SNX20: variants seen among roughly 807,000 people sequenced by gnomAD.
SNX20 encodes the protein sorting nexin-20.
Under a neutral mutation model 24.5 loss-of-function variants are expected in SNX20, and 21 were observed. That is an observed-to-expected ratio of 0.86 (90% CI 0.61 to 1.23). The LOEUF (loss-of-function observed/expected upper bound fraction) is 1.23, where lower values mean the gene tolerates loss of function less well. Among genes scored for constraint, SNX20 ranks in the 50% most tolerant of loss-of-function variants. The pLI is 0.00. For missense variants in SNX20, 433 were observed against 430.8 expected (o/e 1.00, Z -0.04); for synonymous variants, 206 against 192.8 (o/e 1.07, Z -0.57).
rs1349899679 is a variant in SNX20, at chr16:50,673,540, T to C, written c.817A>G (p.Met273Val). The change falls in exon 4 of 4, where the codon ATG becomes GTG. Residue 273 changes from methionine to valine, a missense_variant. Physicochemically the swap from Met to Val is conservative, Grantham distance 21. Transcript: ENST00000330943. This position sits in a 1 kb window ranked among gnomAD's most constrained non-coding sequence, Gnocchi z 4.1. ...HRYYAPLLDAMVRLAYALGKD... is the reference protein window; with the variant it reads ...HRYYAPLLDAVVRLAYALGKD... ...CCCAGCGCGTAGGCCAGGCGGACCA[T>C]GGCGTCCAGCAGAGGCGCATAGTAG... 5 of 1,609,286 alleles carry C rather than the reference T, an allele frequency of 3.1e-6. No individual in the cohort carries two copies. Among genetic ancestry groups the C allele is most frequent in the Non-Finnish European group, 4.2e-6 (5 of 1,179,104 alleles).
At position 50,674,074 on chromosome 16, in the gene SNX20, C is replaced by A; in HGVS notation, c.283G>T (p.Val95Leu). Residue 95 changes from valine to leucine, a missense_variant and splice_region_variant, in exon 4 of 4, where the codon GTG becomes TTG. Coordinates refer to ENST00000330943, the MANE Select transcript of SNX20 (RefSeq NM_182854.4). ...GTCTGGATGACGATGATTTGGTACA[C>A]CTAGGGCGCAACCAGAGAGAGCTGT... Reference protein sequence around the residue: ...IEERKVSKFVVYQIIVIQTGS... With the variant: ...IEERKVSKFVLYQIIVIQTGS... 6.3e-7 allele frequency: 1 copy of A among 1,591,304 alleles called. No homozygotes were observed. Among genetic ancestry groups the A allele is most frequent in the Non-Finnish European group, 8.6e-7 (1 of 1,167,380 alleles).
Position 50,673,815 on chromosome 16 carries a change from A to G in SNX20, c.542T>C (p.Leu181Pro), listed in dbSNP as rs766233288. 6.3e-7 allele frequency: 1 copy of G among 1,594,588 alleles called. No individual in the cohort carries two copies. The highest frequency in any genetic ancestry group is 1.7e-5 in the Admixed American group (1 of 59,016). The change falls in exon 4 of 4, where the codon CTG (leucine) becomes CCG (proline). Residue 181 changes from leucine (L) to proline (P), a missense_variant. Leu to Pro is a moderately conservative substitution (Grantham distance 98). Coordinates refer to ENST00000330943, the MANE Select transcript of SNX20 (RefSeq NM_182854.4). This position sits in a 1 kb window ranked among gnomAD's most constrained non-coding sequence, Gnocchi z 4.1. ...CAGCTCCGGCCGCGTGAGGAAGTCCAGGAACTCCCGGGAGCGGCGCACGCA... is the reference window on the plus strand; with the variant it reads ...CAGCTCCGGCCGCGTGAGGAAGTCCGGGAACTCCCGGGAGCGGCGCACGCA... ...IRCVRRSREF[L>P]DFLTRPELRE...
At chr16:50,668,381 G>T, downstream of SNX20, 1 of 1,003,830 alleles carries the variant, frequency 1.0e-6, no homozygotes, top group Non-Finnish European at 1.3e-6. Flanking sequence ...TCTACCAGCG[G>T]CCTCAGGCTC....
downstream of SNX20, chr16:50,669,334 A>C: frequency 1.8e-6 from 1 of 568,072 alleles, no homozygotes; most frequent in Non-Finnish European, 3.2e-6. Flanking sequence ...GCTTCCACTT[A>C]TGGTGGAAGG....
chr16:50,673,167 G>A lies in SNX20; in HGVS notation c.*239C>T. The A allele has an allele frequency of 1.9e-6, 1 of 525,022 alleles. No homozygotes were observed. The highest frequency in any genetic ancestry group is 3.8e-5 in the East Asian group (1 of 26,358). 32.5% of individuals were successfully genotyped at this position (525,022 alleles called of 1,614,324 possible). On this transcript the variant is annotated 3_prime_UTR_variant, in exon 4 of 4. Coordinates refer to ENST00000330943, the MANE Select transcript of SNX20 (RefSeq NM_182854.4). This position sits in a 1 kb window ranked among gnomAD's most constrained non-coding sequence, Gnocchi z 4.1. The stretch of plus-strand genomic sequence containing the variant: ...AAATTAAAAATTAGCCTGGTGTGGT[G>A]GTGTGCACCTGTAATCCCAGCTACT...
At chr16:50,668,225 A>G, downstream of SNX20, 1 of 1,446,432 alleles carries the variant, frequency 6.9e-7, no homozygotes, top group Non-Finnish European at 9.1e-7. Context: ...CGGGATGATC[A>G]GCGCTACGTG....
intron 3 of SNX20, among the ~76,000 whole-genome samples, chr16:50,674,548 C>T (rs1363257108): frequency 6.6e-6 from 1 of 152,092 alleles, no homozygotes; most frequent in African/African-American, 2.4e-5. Flanking sequence ...GCACCTGGCC[C>T]AATTCTGTTT....
In SNX20 at chr16:50,674,225, G is replaced by GTTTATTTATTTATTTA. The variant is rs1197433659; in HGVS notation, c.283-152_283-151insTAAATAAATAAATAAA. Reference sequence around the variant, plus strand: ...CAATTGTTTGTTTGTTTGTTTGTTTGTTTGTTTATTTATTTATTTATTTAT... The same window carrying GTTTATTTATTTATTTA: ...CAATTGTTTGTTTGTTTGTTTGTTTGTTTATTTATTTATTTATTTGTTTATTTATTTATTTATTTAT... On this transcript the variant is annotated intron_variant, in intron 3 of 3. Transcript: ENST00000330943. 3.4e-6 allele frequency: 3 copies of GTTTATTTATTTATTTA among 884,218 alleles called. No individual in the cohort carries two copies. In the African/African-American group the frequency reaches 6.4e-5, roughly 19 times the overall value. 54.8% of individuals were successfully genotyped at this position (884,218 alleles called of 1,614,324 possible).
intron 3 of SNX20, among the ~76,000 whole-genome samples, chr16:50,675,126 C>T (rs75450535): frequency 0.037 from 5,623 of 152,300 alleles, 341 homozygotes; most frequent in African/African-American, 0.13. Flanking sequence ...TTATTTATCC[C>T]GGTCCCAGGT....
chr16:50,666,472 G>GT, exon 4 of SNX20: 1 of 152,270 alleles, frequency 6.6e-6, no homozygotes. Flanking sequence ...CAGCAGTGTT[G>GT]TCCCAAATAA....
At chr16:50,667,911 TG>T, downstream of SNX20, 1 of 1,167,084 alleles carries the variant, frequency 8.6e-7, no homozygotes, top group Non-Finnish European at 1.2e-6. Context: ...GATCTTACCA[TG>T]GGGGCAACAG....
At position 50,675,842 on chromosome 16, in the gene SNX20, G is replaced by A. The variant is rs1375459977; in HGVS notation, c.210C>T (p.Arg70=). Residue 70 remains arginine (R), a synonymous_variant, in exon 3 of 4, where the codon CGC becomes CGT. Coordinates refer to ENST00000330943, the MANE Select transcript of SNX20 (RefSeq NM_182854.4). The part of the protein sequence containing the change: ...LQQYWQNQKC[R]WKHVKLLFEI... ...CAAAGAGCAGTTTGACGTGCTTCCAGCGGCATTTCTGGTTCTGCCAGTACT... is the reference window on the plus strand; with the variant it reads ...CAAAGAGCAGTTTGACGTGCTTCCAACGGCATTTCTGGTTCTGCCAGTACT... The A allele has an allele frequency of 6.2e-7, 1 of 1,613,704 alleles. No individual in the cohort carries two copies. The highest frequency in any genetic ancestry group is 2.2e-5 in the East Asian group (1 of 44,874).
intron 2 of SNX20, among the ~76,000 whole-genome samples, chr16:50,677,167 G>A (rs1963200185): frequency 6.6e-6 from 1 of 152,158 alleles, no homozygotes; most frequent in African/African-American, 2.4e-5. Context: ...CTGATGTCCT[G>A]CCCTGGCCTC....
chr16:50,668,256 T>G (rs1333539370), downstream of SNX20: 11 of 1,423,846 alleles, frequency 7.7e-6, no homozygotes, highest in Non-Finnish European at 1.0e-5. Flanking sequence ...TACCTCCTTT[T>G]GCAGGACAAC....
downstream of SNX20, chr16:50,669,012 ATGCAGGG>A (rs1290383005): frequency 6.4e-6 from 10 of 1,551,464 alleles, no homozygotes; most frequent in Non-Finnish European, 8.7e-6. Context: ...TGGAATTTGG[ATGCAGGG>A]TTATTCTGTG....
At chr16:50,667,039 C>A (rs186325913), downstream of SNX20, 1 of 152,318 alleles carries the variant, frequency 6.6e-6, no homozygotes, top group East Asian at 1.9e-4. Context: ...ATAATAAATT[C>A]CTTCCTCATC....
In SNX20 at chr16:50,673,797, G is replaced by C; in HGVS notation, c.560C>G (p.Pro187Arg). The stretch of plus-strand genomic sequence containing the variant: ...GCAGCCGAAAGCCTCGCGCAGCTCC[G>C]GCCGCGTGAGGAAGTCCAGGAACTC... ...SREFLDFLTR[P>R]ELREAFGCLR... The change falls in exon 4 of 4, where the codon CCG becomes CGG. Residue 187 changes from proline (P) to arginine (R), a missense_variant. Pro to Arg is a moderately radical substitution (Grantham distance 103). Transcript: ENST00000330943. The surrounding 1 kb of genome is among the most constrained non-coding windows in gnomAD (Gnocchi z 4.1). The C allele has an allele frequency of 6.3e-7, 1 of 1,578,634 alleles. No individual in the cohort carries two copies. Among genetic ancestry groups the C allele is most frequent in the Non-Finnish European group, 8.6e-7 (1 of 1,168,548 alleles).
chr16:50,669,432 A>G (rs1239483196), downstream of SNX20: 2 of 352,890 alleles, frequency 5.7e-6, no homozygotes, highest in Non-Finnish European at 1.1e-5. Context: ...ATGTAAACTA[A>G]CAGAGTGAGA....
intron 1 of SNX20, among the ~76,000 whole-genome samples, chr16:50,679,306 G>A (rs567123312): frequency 3.3e-5 from 5 of 152,204 alleles, no homozygotes; most frequent in Non-Finnish European, 7.3e-5. Flanking sequence ...CACAGCCAGC[G>A]CCTGTCCCTT....
Sources: gnomAD v4.1 joint callset for allele counts (sites outside exome capture counted in the v4.1 genomes callset) on GRCh38, gnomAD v4.1.1 for gene constraint, Gnocchi (gnomAD v3.1) non-coding constraint, MANE v1.5 for transcripts, NCBI Gene and HGNC (gene_info 2026-07-23, HGNC 2026-07-21) for gene names.